The following VPS33B variants were observed in gnomAD, a reference collection of about 807,000 sequenced individuals.
The protein encoded by VPS33B is VPS33B late endosome and lysosome associated.
A neutral mutation model predicts 95.3 loss-of-function variants in VPS33B; 80 were observed. The observed-to-expected ratio is 0.84, with a 90% confidence interval of 0.70 to 1.01. The LOEUF is 1.01. VPS33B is among the 50% of genes least tolerant of loss of function. The pLI, the probability that VPS33B is intolerant of heterozygous loss-of-function variation, is 0.00. For missense variants in VPS33B, 715 were observed against 773.4 expected (o/e 0.92, Z 0.90); for synonymous variants, 280 against 280.4 (o/e 1.00, Z 0.01).
chr15:90,998,477 A>T (rs1281128017), downstream of VPS33B: 1 of 167,668 alleles, frequency 6.0e-6, no homozygotes, highest in Non-Finnish European at 1.3e-5. The surrounding 1 kb of genome is among the most constrained non-coding windows in gnomAD (Gnocchi z 4.8). Flanking sequence ...CTTGCTGGTC[A>T]CCTCAGCCAT....
rs2040582737 is a variant in VPS33B at position 91,005,712 on chromosome 15, GCTC to G, written c.1009_1011del (p.Glu337del). On this transcript the variant is annotated inframe_deletion, in exon 13 of 23. Transcript: ENST00000333371. The surrounding 1 kb of genome is among the most constrained non-coding windows in gnomAD (Gnocchi z 6.4). ...AACCTACGGAGACTCAGCAGGCGGT[GCTC>G]CTGTTTCAGGCCCTTGAGCTCCTGG... 3 of 1,614,010 alleles carry G rather than the reference GCTC, an allele frequency of 1.9e-6. 1 individual carries two copies. Among genetic ancestry groups the G allele is most frequent in the Non-Finnish European group, 1.7e-6 (2 of 1,180,034 alleles).
At position 91,002,303 on chromosome 15, in the gene VPS33B, T is replaced by TG; in HGVS notation, c.1273-122_1273-121insC. On this transcript the variant is annotated intron_variant, in intron 17 of 22. Coordinates refer to ENST00000333371, the MANE Select transcript of VPS33B (RefSeq NM_018668.5). The surrounding 1 kb of genome is among the most constrained non-coding windows in gnomAD (Gnocchi z 4.7). ...TGCTGCAGTGTGAAGGAGCTCACAC[T>TG]TTGTTGAGATAAATTTTCACATCAG... 1 of 1,402,654 alleles carries TG rather than the reference T, an allele frequency of 7.1e-7. No homozygotes were observed. The highest frequency in any genetic ancestry group is 9.8e-7 in the Non-Finnish European group (1 of 1,018,352). The allele number at this position is 1,402,654 out of a possible 1,614,324, so 86.9% of individuals were successfully genotyped here.
At chr15:91,016,038 T>C (rs2151681955) in intron 3 of VPS33B, among the ~76,000 whole-genome samples, 1 of 151,978 alleles carries the variant, frequency 6.6e-6, no homozygotes, top group East Asian at 1.9e-4. Flanking sequence ...ACAGGACAAA[T>C]ACAAAATGCC....
Position 91,013,580 on chromosome 15 carries a change from G to A in VPS33B, c.357+224C>T, listed in dbSNP as rs1290544611. 6.6e-6 allele frequency among the ~76,000 whole-genome samples: 1 copy of A among 152,156 alleles called. No homozygotes were observed. The highest frequency in any genetic ancestry group is 1.5e-5 in the Non-Finnish European group (1 of 68,018). ...TCCACCTTCCACCCTTCTGCCATGGGATGACCCTCGCCAGATGCCAGCCCC... is the reference window on the plus strand; with the variant it reads ...TCCACCTTCCACCCTTCTGCCATGGAATGACCCTCGCCAGATGCCAGCCCC... On this transcript the variant is annotated intron_variant, in intron 5 of 22. Coordinates refer to ENST00000333371, the MANE Select transcript of VPS33B (RefSeq NM_018668.5). The surrounding 1 kb of genome is among the most constrained non-coding windows in gnomAD (Gnocchi z 4.5).
chr15:91,009,809 A>AT lies in VPS33B; in HGVS notation c.394dup (p.Ile132AsnfsTer8), dbSNP rs1212695043. ...CATTCATCTCCTCTCACCTCCATAG[A>AT]TTCCCTCTTCCTCAAGCACCATCTC... On this transcript the variant is annotated frameshift_variant, in exon 6 of 23. Coordinates refer to ENST00000333371, the MANE Select transcript of VPS33B (RefSeq NM_018668.5). LOFTEE classifies it high-confidence loss of function. This position sits in a 1 kb window ranked among gnomAD's most constrained non-coding sequence, Gnocchi z 4.1. 1 of 1,613,946 alleles carries AT rather than the reference A, an allele frequency of 6.2e-7. No homozygotes were observed. Among genetic ancestry groups the AT allele is most frequent in the Non-Finnish European group, 8.5e-7 (1 of 1,180,000 alleles).
chr15:91,021,628 G>A (rs550575145), intron 1 of VPS33B, among the ~76,000 whole-genome samples: 34 of 152,090 alleles, frequency 2.2e-4, no homozygotes, highest in Non-Finnish European at 4.4e-4. Context: ...TCCCTTACAT[G>A]CCTTGTCTTT....
Position 91,000,879 on chromosome 15 carries a change from A to T in VPS33B, c.1480-288T>A. ...GTGACACAGGATATGGTTGTCACTG[A>T]AGCAGCACTTAGAATATTCTCTGGC... is the stretch of plus-strand genomic sequence containing the variant. On this transcript the variant is annotated intron_variant, in intron 19 of 22. Coordinates refer to ENST00000333371, the MANE Select transcript of VPS33B (RefSeq NM_018668.5). The surrounding 1 kb of genome is among the most constrained non-coding windows in gnomAD (Gnocchi z 4.9). The T allele has an allele frequency of 2.3e-6, 1 of 442,290 alleles. No individual in the cohort carries two copies. The highest frequency in any genetic ancestry group is 4.2e-6 in the Non-Finnish European group (1 of 237,570). The allele number at this position is 442,290 out of a possible 1,614,324, so 27.4% of individuals were successfully genotyped here. A position where few individuals can be genotyped will look rare whatever the true frequency, so the allele number is the denominator to read the frequency against.
rs2040478475 is a variant in VPS33B, at chr15:91,002,709, G to C, written c.1272+376C>G. ...ATAAAAAGCAGCATGAGACTTTAGA[G>C]ACCCATGGATGTATGGGAAAGGCTT... On this transcript the variant is annotated intron_variant, in intron 17 of 22. Coordinates refer to ENST00000333371, the MANE Select transcript of VPS33B (RefSeq NM_018668.5). The surrounding 1 kb of genome is among the most constrained non-coding windows in gnomAD (Gnocchi z 4.7). Among the ~76,000 whole-genome samples the C allele has an allele frequency of 6.6e-6, 1 of 151,820 alleles. No individual in the cohort carries two copies. The highest frequency in any genetic ancestry group is 1.9e-4 in the East Asian group (1 of 5,188).
intron 3 of VPS33B, among the ~76,000 whole-genome samples, chr15:91,016,602 T>C (rs567752223): frequency 1.3e-5 from 2 of 152,108 alleles, no homozygotes; most frequent in Non-Finnish European, 2.9e-5. Context: ...TAGGCTGGTC[T>C]CTATCTCCTG....
At chr15:91,017,689 A>G (rs2151684396) in intron 2 of VPS33B, 116 bp downstream of exon 2, 1 of 1,012,598 alleles carries the variant, frequency 9.9e-7, no homozygotes, top group Non-Finnish European at 1.5e-6. Flanking sequence ...TTTCTACCCA[A>G]TTAAGCTACC....
chr15:91,007,037 C>A lies in VPS33B; in HGVS notation c.613G>T (p.Glu205Ter). 6.2e-7 allele frequency: 1 copy of A among 1,611,872 alleles called. No individual in the cohort carries two copies. The change falls in exon 9 of 23, where the codon GAA (glutamate) becomes TAA (stop). Residue 205 changes from glutamate to a stop codon, truncating the protein, a stop_gained. Transcript: ENST00000333371. LOFTEE classifies it high-confidence loss of function. This position sits in a 1 kb window ranked among gnomAD's most constrained non-coding sequence, Gnocchi z 5.3. ...GIGRCAKMAY[E>*]LWRNLEEEED... is the part of the protein sequence containing the mutation. Reference sequence around the variant, plus strand: ...TCCTCCTCCAGGTTCCTCCACAATTCATATGCCATCTGCCAGGGCCCAAGA... The same window carrying A: ...TCCTCCTCCAGGTTCCTCCACAATTAATATGCCATCTGCCAGGGCCCAAGA...
At chr15:91,016,533 G>T (rs1476846713) in intron 3 of VPS33B, among the ~76,000 whole-genome samples, 1 of 151,762 alleles carries the variant, frequency 6.6e-6, no homozygotes, top group Non-Finnish European at 1.5e-5. Context: ...ACAGGCACAC[G>T]CCACCACACC....
chr15:91,000,461 G>C lies in VPS33B; in HGVS notation c.1581+29C>G. ...AGAGAAAGCAGAGAGAATGAAATAT[G>C]AATGGGAGCAAGAATTACATGCTCT... On this transcript the variant is annotated intron_variant, in intron 20 of 22. Coordinates refer to ENST00000333371, the MANE Select transcript of VPS33B (RefSeq NM_018668.5). This position sits in a 1 kb window ranked among gnomAD's most constrained non-coding sequence, Gnocchi z 4.9. 1 of 1,580,706 alleles carries C rather than the reference G, an allele frequency of 6.3e-7. No individual in the cohort carries two copies. Among genetic ancestry groups the C allele is most frequent in the Non-Finnish European group, 8.7e-7 (1 of 1,152,256 alleles).
intron 18 of VPS33B, 143 bp downstream of exon 18, chr15:91,001,907 A>T (rs781181703): frequency 1.6e-5 from 21 of 1,328,174 alleles, no homozygotes; most frequent in African/African-American, 8.7e-5. Flanking sequence ...TTACTAGCAG[A>T]AGTAGTAGTA....
rs373346945 is a variant in VPS33B at position 91,009,834 on chromosome 15, C to T, written c.370G>A (p.Glu124Lys). The T allele has an allele frequency of 1.9e-6, 3 of 1,614,142 alleles. No individual in the cohort carries two copies. The highest frequency in any genetic ancestry group is 1.7e-6 in the Non-Finnish European group (2 of 1,179,986). Residue 124 changes from glutamate to lysine, a missense_variant, in exon 6 of 23, where the codon GAG (glutamate) becomes AAG (lysine). Glu to Lys is a moderately conservative substitution (Grantham distance 56, BLOSUM62 1). Transcript: ENST00000333371. This position sits in a 1 kb window ranked among gnomAD's most constrained non-coding sequence, Gnocchi z 4.1. ...IFSPQKFYAC[E>K]MVLEEEGIYG... ...ATTCCCTCTTCCTCAAGCACCATCTCACACGCATAGAACTGAAAGAGAAAA... is the reference window on the plus strand; with the variant it reads ...ATTCCCTCTTCCTCAAGCACCATCTTACACGCATAGAACTGAAAGAGAAAA...
rs2151663517 is a variant in VPS33B at position 91,000,652 on chromosome 15, G to A, written c.1480-61C>T. 5 of 1,453,034 alleles carry A rather than the reference G, an allele frequency of 3.4e-6. No homozygotes were observed. Among genetic ancestry groups the A allele is most frequent in the Non-Finnish European group, 3.8e-6 (4 of 1,044,822 alleles). 90.0% of individuals were successfully genotyped at this position (1,453,034 alleles called of 1,614,324 possible). On this transcript the variant is annotated intron_variant, in intron 19 of 22. Transcript: ENST00000333371. The surrounding 1 kb of genome is among the most constrained non-coding windows in gnomAD (Gnocchi z 4.9). ...GCTCAGCTCCCTAACCCTTTAAAGG[G>A]TCAGATAAAGTGGCATGGCCCAAGG...
Position 91,016,967 on chromosome 15 carries a change from C to T in VPS33B, c.235G>A (p.Glu79Lys), listed in dbSNP as rs1229006812. ...VENKPALSSN[E>K]QLCFLVRPRI... is the part of the protein sequence containing the mutation. ...CAGACTCTCCCAGACACTCACTGTT[C>T]ATTGGAGCTGAGGGCTGGCTTGTTC... Residue 79 changes from glutamate (E) to lysine (K), a missense_variant, in exon 3 of 23, where the codon GAA (glutamate) becomes AAA (lysine). Coordinates refer to ENST00000333371, the MANE Select transcript of VPS33B (RefSeq NM_018668.5). The T allele has an allele frequency of 6.2e-7, 1 of 1,613,994 alleles. No individual in the cohort carries two copies. Among genetic ancestry groups the T allele is most frequent in the Middle Eastern group, 1.6e-4 (1 of 6,062 alleles).
In VPS33B at chr15:91,005,970, C is replaced by CA. The variant is rs755009899; in HGVS notation, c.939+2dup. ...AACAGAGGAGCAGGGCTTGGAGCCTCACATCATACTGGGCCTGCAAGTTCC... is the reference window on the plus strand; with the variant it reads ...AACAGAGGAGCAGGGCTTGGAGCCTCAACATCATACTGGGCCTGCAAGTTCC... On this transcript the variant is annotated splice_region_variant and intron_variant, in intron 12 of 22. Coordinates refer to ENST00000333371, the MANE Select transcript of VPS33B (RefSeq NM_018668.5). The surrounding 1 kb of genome is among the most constrained non-coding windows in gnomAD (Gnocchi z 6.4). The CA allele has an allele frequency of 4.3e-6, 7 of 1,613,942 alleles. No homozygotes were observed. Among genetic ancestry groups the CA allele is most frequent in the Non-Finnish European group, 5.9e-6 (7 of 1,179,994 alleles).
Position 90,999,079 on chromosome 15 carries a change from AAG to A in VPS33B, c.1775-27_1775-26del. The stretch of plus-strand genomic sequence containing the variant: ...CCTAAGGAGTCAAATGCAGCAGCAG[AAG>A]AGACAGCACAGATCTTAGGCCCCAA... On this transcript the variant is annotated intron_variant, in intron 22 of 22. Coordinates refer to ENST00000333371, the MANE Select transcript of VPS33B (RefSeq NM_018668.5). This position sits in a 1 kb window ranked among gnomAD's most constrained non-coding sequence, Gnocchi z 5.1. 1 of 1,612,794 alleles carries A rather than the reference AAG, an allele frequency of 6.2e-7. No homozygotes were observed. The highest frequency in any genetic ancestry group is 8.5e-7 in the Non-Finnish European group (1 of 1,179,230).
Sources: gnomAD v4.1 joint callset for allele counts (sites outside exome capture counted in the v4.1 genomes callset) on GRCh38, gnomAD v4.1.1 for gene constraint, Gnocchi (gnomAD v3.1) non-coding constraint, MANE v1.5 for transcripts, NCBI Gene and HGNC (gene_info 2026-07-23, HGNC 2026-07-21) for gene names.